The following ZHX2 variants were observed in gnomAD, a reference collection of about 807,000 sequenced individuals.
ZHX2 encodes zinc fingers and homeoboxes protein 2.
A neutral mutation model predicts 21.9 loss-of-function variants in ZHX2; 6 were observed. The ratio of observed to expected loss-of-function variants is 0.27; its 90% CI spans 0.15 to 0.54. ZHX2 has a LOEUF of 0.54. Ranked by LOEUF, ZHX2 falls within the 20% of genes least tolerant of loss-of-function variation. ZHX2 has a pLI of 0.95. For synonymous variants in ZHX2, 434 were observed against 437.1 expected, an observed-to-expected ratio of 0.99 and a Z score of 0.09; for missense variants, 908 against 1,090.7, an observed-to-expected ratio of 0.83 and a Z score of 2.36.
chr8:122,885,131 C>T (rs569177659), intron 2 of ZHX2, among the ~76,000 whole-genome samples: 3 of 152,278 alleles, frequency 2.0e-5, no homozygotes, highest in African/African-American at 4.8e-5. Context: ...GAAGAGCCAA[C>T]AGGAGCTGCT....
At chr8:122,972,171 T>A (rs969954573) in intron 3 of ZHX2, among the ~76,000 whole-genome samples, 2 of 152,206 alleles carry the variant, frequency 1.3e-5, no homozygotes, top group Non-Finnish European at 2.9e-5. Flanking sequence ...GTAAGGACAC[T>A]AGTCATGTTG....
At chr8:122,848,702 C>T (rs1386564864) in intron 1 of ZHX2, among the ~76,000 whole-genome samples, 3 of 152,068 alleles carry the variant, frequency 2.0e-5, no homozygotes, top group Non-Finnish European at 2.9e-5. Context: ...AATATTTTCC[C>T]GGGCATTGGT....
intron 2 of ZHX2, among the ~76,000 whole-genome samples, chr8:122,867,569 G>T (rs1236359670): frequency 6.6e-6 from 1 of 152,182 alleles, no homozygotes; most frequent in East Asian, 1.9e-4. Flanking sequence ...CAGGGAATTT[G>T]AATTAGAGAA....
chr8:122,915,369 TAACTC>T (rs1490332912), intron 2 of ZHX2, among the ~76,000 whole-genome samples: 1 of 152,206 alleles, frequency 6.6e-6, no homozygotes, highest in Non-Finnish European at 1.5e-5. Flanking sequence ...CCCTCCCACT[TAACTC>T]TGCTGCCTGT....
chr8:122,955,908 G>A (rs1290189608), intron 3 of ZHX2, among the ~76,000 whole-genome samples: 1 of 143,376 alleles, frequency 7.0e-6, no homozygotes, highest in South Asian at 2.2e-4. Flanking sequence ...GCAATGGCAC[G>A]ATCTCAACTC....
At chr8:122,848,141 G>A (rs1427402966) in intron 1 of ZHX2, among the ~76,000 whole-genome samples, 1 of 152,216 alleles carries the variant, frequency 6.6e-6, no homozygotes, top group Non-Finnish European at 1.5e-5. Flanking sequence ...GAATGAGTGA[G>A]TATAGCGGTG....
At chr8:122,864,643 C>A (rs973743214) in intron 2 of ZHX2, among the ~76,000 whole-genome samples, 6 of 152,124 alleles carry the variant, frequency 3.9e-5, no homozygotes, top group East Asian at 1.9e-4. Context: ...CCCACCCCCC[C>A]ACTCCCCAGG....
intron 1 of ZHX2, among the ~76,000 whole-genome samples, chr8:122,823,092 G>C (rs1818190571): frequency 6.6e-6 from 1 of 152,204 alleles, no homozygotes; most frequent in African/African-American, 2.4e-5. Context: ...CATGAATACA[G>C]CGTGTGTCCT....
At chr8:122,929,298 G>A (rs1053522864) in intron 2 of ZHX2, among the ~76,000 whole-genome samples, 1 of 152,144 alleles carries the variant, frequency 6.6e-6, no homozygotes, top group East Asian at 1.9e-4. Context: ...TCATTTGTGT[G>A]TAGGGTTTTG....
intron 1 of ZHX2, chr8:122,863,274 T>TC (rs999844143): frequency 2.7e-5 from 4 of 150,684 alleles, no homozygotes; most frequent in Admixed American, 6.6e-5. Flanking sequence ...TTTTTTTTTT[T>TC]TTTCTTTTTT....
At chr8:122,863,391 C>G (rs1819213451) in intron 1 of ZHX2, 86 bp from the exon 2 acceptor site, 1 of 152,628 alleles carries the variant, frequency 6.6e-6, no homozygotes, top group Admixed American at 6.6e-5. Context: ...CCATCCCAGT[C>G]CCCCATTGAC....
At chr8:122,786,194 G>A (rs1324629791) in intron 1 of ZHX2, among the ~76,000 whole-genome samples, 3 of 152,136 alleles carry the variant, frequency 2.0e-5, no homozygotes. Context: ...GCTGGAAGGG[G>A]GTGCCATTTA....
chr8:122,852,461 C>T (rs77099135), intron 1 of ZHX2, among the ~76,000 whole-genome samples: 2,284 of 152,064 alleles, frequency 0.015, 50 homozygotes, highest in African/African-American at 0.052. Context: ...TAGTAGTCAC[C>T]GAGACACAGA....
At chr8:122,862,986 C>T (rs1819203684) in intron 1 of ZHX2, among the ~76,000 whole-genome samples, 1 of 152,190 alleles carries the variant, frequency 6.6e-6, no homozygotes, top group Non-Finnish European at 1.5e-5. Context: ...ACGGGGTTCG[C>T]TTGGCAGGAG....
intron 2 of ZHX2, among the ~76,000 whole-genome samples, chr8:122,883,522 A>G (rs568047784): frequency 8.5e-5 from 13 of 152,352 alleles, no homozygotes; most frequent in Admixed American, 1.3e-4. Flanking sequence ...CTTATACCAT[A>G]ATGCAACATA....
At chr8:122,842,241 G>T (rs1179037784) in intron 1 of ZHX2, among the ~76,000 whole-genome samples, 2 of 152,180 alleles carry the variant, frequency 1.3e-5, no homozygotes, top group Non-Finnish European at 2.9e-5. Context: ...TATAGGCCTG[G>T]GATTGAGAAC....
intron 3 of ZHX2, among the ~76,000 whole-genome samples, chr8:122,971,810 G>A (rs1394145230): frequency 6.6e-6 from 1 of 152,044 alleles, no homozygotes; most frequent in African/African-American, 2.4e-5. Context: ...TAGATCTTGG[G>A]AGGAGACAAA....
intron 1 of ZHX2, among the ~76,000 whole-genome samples, chr8:122,821,897 G>A (rs983082614): frequency 1.3e-5 from 2 of 152,102 alleles, no homozygotes; most frequent in African/African-American, 4.8e-5. Context: ...TAGAGACAGA[G>A]TTTCCCCAGG....
intron 3 of ZHX2, among the ~76,000 whole-genome samples, chr8:122,961,034 A>G (rs751236667): frequency 6.6e-6 from 1 of 152,266 alleles, no homozygotes; most frequent in Non-Finnish European, 1.5e-5. Flanking sequence ...TACTTACTGT[A>G]TTAGTCAGCT....
Sources: allele counts gnomAD v4.1 joint callset (sites outside exome capture counted in the v4.1 genomes callset), GRCh38; gene constraint gnomAD v4.1.1; transcripts MANE v1.5; gene names NCBI Gene and HGNC (gene_info 2026-07-23, HGNC 2026-07-21).